The following COL22A1 variants were observed in gnomAD, a reference collection of about 807,000 sequenced individuals.
COL22A1 encodes the protein collagen type XXII alpha 1 chain, also known as collagen alpha-1(XXII) chain.
COL22A1 carries 221 observed loss-of-function variants against 248.9 expected under a neutral mutation model. The ratio of observed to expected loss-of-function variants is 0.89; its 90% CI spans 0.80 to 0.99. The LOEUF (loss-of-function observed/expected upper bound fraction) is 0.99. Ranked by LOEUF, COL22A1 falls within the 50% of genes least tolerant of loss-of-function variation. The pLI is 0.00. For synonymous variants in COL22A1, 891 were observed against 793.4 expected (o/e 1.12, Z -2.07); for missense variants, 2,240 against 2,179.0 (o/e 1.03, Z -0.56).
At chr8:138,763,585 G>A (rs551377106) in intron 16 of COL22A1, among the ~76,000 whole-genome samples, 1 of 152,134 alleles carries the variant, frequency 6.6e-6, no homozygotes, top group Non-Finnish European at 1.5e-5. Context: ...TCTTCCAGGT[G>A]GGCTGCAAGA....
intron 3 of COL22A1, among the ~76,000 whole-genome samples, chr8:138,850,099 G>A (rs1821518733): frequency 6.6e-6 from 1 of 152,160 alleles, no homozygotes; most frequent in Non-Finnish European, 1.5e-5. Context: ...AGAAGATGAA[G>A]ACAACTCAGG....
chr8:138,608,852 G>A (rs1818626493), intron 56 of COL22A1, among the ~76,000 whole-genome samples: 1 of 152,112 alleles, frequency 6.6e-6, no homozygotes, highest in Admixed American at 6.5e-5. Flanking sequence ...TTCCCACCAC[G>A]AGTAACCCAA....
At chr8:138,882,202 C>A (rs1452128142) in intron 2 of COL22A1, among the ~76,000 whole-genome samples, 1 of 152,066 alleles carries the variant, frequency 6.6e-6, no homozygotes, top group Non-Finnish European at 1.5e-5. Flanking sequence ...CTGACCAAGA[C>A]GTGTTAAAGC....
chr8:138,846,202 T>C (rs1048324953), intron 3 of COL22A1, among the ~76,000 whole-genome samples: 3 of 152,282 alleles, frequency 2.0e-5, no homozygotes, highest in Middle Eastern at 3.4e-3. Flanking sequence ...AGCTGTGGGG[T>C]GACGATCAAT....
Position 138,621,363 on chromosome 8 carries a change from C to T in COL22A1, c.3772-1855G>A, listed in dbSNP as rs1819789628. ...GGCCCCAGCCTGGAGTTACCAGTTG[C>T]CAGCCTGCAGTTACCAGTTGCCAGC... On this transcript the variant is annotated intron_variant, in intron 52 of 64. Transcript: ENST00000303045. Among the ~76,000 whole-genome samples, 3 of 152,154 alleles carry T rather than the reference C, an allele frequency of 2.0e-5. No homozygotes were observed. The South Asian group carries it at 6.2e-4, about 32-fold the overall frequency.
intron 41 of COL22A1, 114 bp downstream of exon 41, chr8:138,676,441 GAAA>G (rs1825534210): frequency 8.6e-5 from 46 of 536,816 alleles, no homozygotes; most frequent in East Asian, 3.8e-4. Context: ...AAGAAAGAAA[GAAA>G]GAAAGAAAGA....
Position 138,594,044 on chromosome 8 carries a change from CT to C in COL22A1, c.4587del (p.Gly1530AspfsTer6). ...EPGRPGQGGLEGPSGPIGPKG... is the reference protein window; with the variant it reads ...EPGRPGQGGLXGPSGPIGPKG... ...TTGGGACCTATGGGTCCAGAGGGTC[CT>C]TCCAGACCCCCCTGCCCAGGACGAC... On this transcript the variant is annotated frameshift_variant, in exon 63 of 65. Coordinates refer to ENST00000303045, the MANE Select transcript of COL22A1 (RefSeq NM_152888.3). LOFTEE classifies it high-confidence loss of function. 6.3e-7 allele frequency: 1 copy of C among 1,585,686 alleles called. No individual in the cohort carries two copies.
intron 50 of COL22A1, 91 bp downstream of exon 50, chr8:138,630,604 A>T: frequency 9.4e-7 from 1 of 1,060,108 alleles, no homozygotes; most frequent in Non-Finnish European, 1.5e-6. Flanking sequence ...CACAGGAGGC[A>T]CACAGGACAA....
chr8:138,654,134 TG>T, intron 45 of COL22A1, among the ~76,000 whole-genome samples: 1 of 152,296 alleles, frequency 6.6e-6, no homozygotes, highest in African/African-American at 2.4e-5. Flanking sequence ...ACATAAAGAT[TG>T]GGACATCTTG....
chr8:138,636,137 C>A (rs1350870838), intron 48 of COL22A1, among the ~76,000 whole-genome samples: 1 of 152,044 alleles, frequency 6.6e-6, no homozygotes, highest in South Asian at 2.1e-4. Context: ...ACAGTCATTT[C>A]CGTTGGCAGG....
At chr8:138,698,608 G>C (rs1489128200) in intron 32 of COL22A1, among the ~76,000 whole-genome samples, 1 of 152,222 alleles carries the variant, frequency 6.6e-6, no homozygotes, top group African/African-American at 2.4e-5. Flanking sequence ...TGAGGGAGGT[G>C]CTGCCTCCTC....
chr8:138,912,926 G>A (rs984536646), intron 1 of COL22A1, among the ~76,000 whole-genome samples: 16 of 152,154 alleles, frequency 1.1e-4, no homozygotes, highest in Non-Finnish European at 2.2e-4. Context: ...TGAGTGGGGA[G>A]AAGTGAGGAC....
At chr8:138,871,389 G>A (rs1677509503) in intron 3 of COL22A1, among the ~76,000 whole-genome samples, 1 of 152,144 alleles carries the variant, frequency 6.6e-6, no homozygotes, top group African/African-American at 2.4e-5. Context: ...TCCCTTTGCA[G>A]TCCCTGTTCC....
At chr8:138,682,160 A>G (rs1201402438) in intron 39 of COL22A1, among the ~76,000 whole-genome samples, 1 of 152,222 alleles carries the variant, frequency 6.6e-6, no homozygotes, top group Non-Finnish European at 1.5e-5. Flanking sequence ...AGGGGAAAAA[A>G]CATCTCCTAC....
intron 39 of COL22A1, among the ~76,000 whole-genome samples, chr8:138,680,287 T>C (rs1236817014): frequency 1.3e-5 from 2 of 152,152 alleles, no homozygotes; most frequent in Non-Finnish European, 2.9e-5. Flanking sequence ...CATAAGATCA[T>C]AGATCTCCTG....
At position 138,855,645 on chromosome 8, in the gene COL22A1, C is replaced by G. The variant is rs570002028; in HGVS notation, c.659-11487G>C. The stretch of plus-strand genomic sequence containing the variant: ...TTTGAATCCCCCCAGGAACAAGGAG[C>G]TTCCCACCTTCTGAGGAGGCCATGC... On this transcript the variant is annotated intron_variant, in intron 3 of 64. Transcript: ENST00000303045. Among the ~76,000 whole-genome samples the G allele has an allele frequency of 2.6e-5, 4 of 152,350 alleles. No individual in the cohort carries two copies. In the South Asian group the frequency reaches 8.3e-4, roughly 32 times the overall value.
chr8:138,713,620 G>A (rs900157744), intron 30 of COL22A1, among the ~76,000 whole-genome samples: 3 of 152,034 alleles, frequency 2.0e-5, no homozygotes, highest in Non-Finnish European at 4.4e-5. Flanking sequence ...TTTTCCAGTG[G>A]ACAAATTCTG....
Position 138,755,165 on chromosome 8 carries a change from C to T in COL22A1, c.2023G>A (p.Gly675Arg). The T allele has an allele frequency of 6.2e-7, 1 of 1,614,126 alleles. No homozygotes were observed. The highest frequency in any genetic ancestry group is 8.5e-7 in the Non-Finnish European group (1 of 1,179,990). The change falls in exon 21 of 65, where the codon GGA (glycine) becomes AGA (arginine). Residue 675 changes from glycine to arginine, a missense_variant. Gly to Arg is a moderately radical substitution (Grantham distance 125). Coordinates refer to ENST00000303045, the MANE Select transcript of COL22A1 (RefSeq NM_152888.3). Reference protein sequence around the residue: ...RGHQGAPGPPGARGPIGPEGR... With the variant: ...RGHQGAPGPPRARGPIGPEGR... ...GGAGAGGGACAACTTACCCGAGCTCCTGGAGGACCGGGGGCGCCTTGGTGA... is the reference window on the plus strand; with the variant it reads ...GGAGAGGGACAACTTACCCGAGCTCTTGGAGGACCGGGGGCGCCTTGGTGA...
At chr8:138,850,709 C>CA (rs1342186616) in intron 3 of COL22A1, among the ~76,000 whole-genome samples, 1 of 152,192 alleles carries the variant, frequency 6.6e-6, no homozygotes, top group East Asian at 1.9e-4. Context: ...CCTCGAGCTC[C>CA]AAGGTTGATG....
Sources: gnomAD v4.1 joint callset for allele counts (sites outside exome capture counted in the v4.1 genomes callset) on GRCh38, gnomAD v4.1.1 for gene constraint, MANE v1.5 for transcripts, NCBI Gene and HGNC (gene_info 2026-07-23, HGNC 2026-07-21) for gene names.